Variants in DNHD1 observed in about 807,000 individuals in gnomAD.
The protein encoded by DNHD1 is dynein heavy chain domain-containing protein 1.
A neutral mutation model predicts 458.1 loss-of-function variants in DNHD1; 383 were observed. The ratio of observed to expected loss-of-function variants is 0.84; its 90% CI spans 0.77 to 0.91. The LOEUF (loss-of-function observed/expected upper bound fraction) is 0.91. DNHD1 is among the 40% of genes least tolerant of loss of function. DNHD1 has a pLI of 0.00. For synonymous variants in DNHD1, 2,203 were observed against 2,376.9 expected, an observed-to-expected ratio of 0.93 and a Z score of 2.13; for missense variants, 5,336 against 5,866.1, an observed-to-expected ratio of 0.91 and a Z score of 2.95.
intron 10 of DNHD1, among the ~76,000 whole-genome samples, chr11:6,522,656 AT>A (rs1289783924): frequency 1.3e-5 from 2 of 152,218 alleles, no homozygotes; most frequent in Non-Finnish European, 2.9e-5. Flanking sequence ...ATACAGGTAA[AT>A]AAGTAGCAGT....
intron 3 of DNHD1, among the ~76,000 whole-genome samples, chr11:6,500,871 A>C (rs901457585): frequency 6.6e-6 from 1 of 152,324 alleles, no homozygotes; most frequent in Non-Finnish European, 1.5e-5. Context: ...TAAGTTGATA[A>C]CAAGTAAAAT....
At position 6,498,190 on chromosome 11, in the gene DNHD1, G is replaced by T; in HGVS notation, c.-26G>T. 6.3e-7 allele frequency: 1 copy of T among 1,592,504 alleles called. No homozygotes were observed. Among genetic ancestry groups the T allele is most frequent in the South Asian group, 1.1e-5 (1 of 87,486 alleles). On this transcript the variant is annotated 5_prime_UTR_variant, in exon 3 of 43. Transcript: ENST00000254579. The stretch of plus-strand genomic sequence containing the variant: ...CCTGAGCTATGGGCAAGGTCACTTC[G>T]ACAGCAGTTGAATGCCCAGCTCCTC...
intron 10 of DNHD1, among the ~76,000 whole-genome samples, chr11:6,527,392 C>G (rs1013792316): frequency 6.6e-6 from 1 of 152,106 alleles, no homozygotes; most frequent in South Asian, 2.1e-4. Flanking sequence ...TTTAAAGTAA[C>G]GACAACAGGA....
Position 6,505,640 on chromosome 11 carries a change from G to A in DNHD1, c.920+2714G>A, listed in dbSNP as rs575412331. Among the ~76,000 whole-genome samples the A allele has an allele frequency of 1.3e-5, 2 of 152,278 alleles. No individual in the cohort carries two copies. The highest frequency in any genetic ancestry group is 3.9e-4 in the East Asian group (2 of 5,184). Reference sequence around the variant, plus strand: ...GTTTCTGTTTTACTGACTGGACCCTGACTAACACGGTACTTGGTATTATGA... The same window carrying A: ...GTTTCTGTTTTACTGACTGGACCCTAACTAACACGGTACTTGGTATTATGA... On this transcript the variant is annotated intron_variant, in intron 4 of 42. Coordinates refer to ENST00000254579, the MANE Select transcript of DNHD1 (RefSeq NM_144666.3). The surrounding 1 kb of genome is among the most constrained non-coding windows in gnomAD (Gnocchi z 4.4).
In DNHD1 at chr11:6,570,664, C is replaced by T. The variant is rs1188254299; in HGVS notation, c.13152C>T (p.His4384=). The T allele has an allele frequency of 1.2e-6, 2 of 1,612,062 alleles. No individual in the cohort carries two copies. The highest frequency in any genetic ancestry group is 4.5e-5 in the East Asian group (2 of 44,814). ...DAMAECKAQM[H]LLPSPPEPRL... is the part of the protein sequence containing the mutation. ...TGGCAGAGTGCAAGGCCCAGATGCA[C>T]CTACTGCCCTCACCACCTGAACCCC... Residue 4384 remains histidine, a synonymous_variant, in exon 42 of 43, where the codon CAC becomes CAT. Transcript: ENST00000254579.
At chr11:6,514,020 G>A (rs567906389) in intron 7 of DNHD1, among the ~76,000 whole-genome samples, 2 of 151,596 alleles carry the variant, frequency 1.3e-5, no homozygotes, top group African/African-American at 4.8e-5. Flanking sequence ...ATTTTTTTTT[G>A]TATTTTTAGT....
Position 6,544,035 on chromosome 11 carries a change from C to T in DNHD1, c.3629-86C>T, listed in dbSNP as rs1589884150. 3.7e-5 allele frequency: 51 copies of T among 1,371,202 alleles called. No individual in the cohort carries two copies. The South Asian group carries it at 6.3e-4, about 17-fold the overall frequency. The allele number at this position is 1,371,202 out of a possible 1,614,324, so 84.9% of individuals were successfully genotyped here. ...ATCAGGGTCTCTGTAACTGCCTCTCCTGGAAGGTTCCCCTGGTCTCCTCTT... is the reference window on the plus strand; with the variant it reads ...ATCAGGGTCTCTGTAACTGCCTCTCTTGGAAGGTTCCCCTGGTCTCCTCTT... On this transcript the variant is annotated intron_variant, in intron 18 of 42. Transcript: ENST00000254579.
chr11:6,498,636 T>C lies in DNHD1; in HGVS notation c.421T>C (p.Leu141=), dbSNP rs753831079. Residue 141 remains leucine, a synonymous_variant, in exon 3 of 43, where the codon TTA becomes CTA. Coordinates refer to ENST00000254579, the MANE Select transcript of DNHD1 (RefSeq NM_144666.3). ...VQAFPPDSSL[L]DSASHADCCP... ...GGCCTTTCCTCCAGACAGCTCTTTG[T>C]TAGACAGTGCTTCCCATGCTGACTG... The C allele has an allele frequency of 7.4e-6, 12 of 1,614,102 alleles. No individual in the cohort carries two copies. The highest frequency in any genetic ancestry group is 1.7e-6 in the Non-Finnish European group (2 of 1,180,042).
At chr11:6,570,147 C>T (rs1853808009) in intron 40 of DNHD1, 47 bp downstream of exon 40, 1 of 1,612,530 alleles carries the variant, frequency 6.2e-7, no homozygotes, top group Non-Finnish European at 8.5e-7. Flanking sequence ...CCCAGGAGAG[C>T]CTGGAAGAGG....
chr11:6,566,778 T>G lies in DNHD1; in HGVS notation c.11385+13T>G. On this transcript the variant is annotated intron_variant, in intron 35 of 42. Coordinates refer to ENST00000254579, the MANE Select transcript of DNHD1 (RefSeq NM_144666.3). ...GGAGGCTGCTGAGGTGCTTGGGGGCTCAGTCTGTGGGTTGAGATGAGCATT... is the reference window on the plus strand; with the variant it reads ...GGAGGCTGCTGAGGTGCTTGGGGGCGCAGTCTGTGGGTTGAGATGAGCATT... 2 of 1,607,048 alleles carry G rather than the reference T, an allele frequency of 1.2e-6. No individual in the cohort carries two copies. Among genetic ancestry groups the G allele is most frequent in the Non-Finnish European group, 1.7e-6 (2 of 1,176,646 alleles).
intron 14 of DNHD1, among the ~76,000 whole-genome samples, chr11:6,534,413 C>T (rs1166730324): frequency 6.6e-6 from 1 of 151,204 alleles, no homozygotes; most frequent in African/African-American, 2.4e-5. Context: ...GGAAGGCAAA[C>T]AAGTGAATGT....
At position 6,528,971 on chromosome 11, in the gene DNHD1, G is replaced by A. The variant is rs2134406801; in HGVS notation, c.2197G>A (p.Glu733Lys). Reference sequence around the variant, plus strand: ...GCAATCCTGGGGGCCTCAGAAGCTGGAAGACATGAGAGGTGGTCCCATCAA... The same window carrying A: ...GCAATCCTGGGGGCCTCAGAAGCTGAAAGACATGAGAGGTGGTCCCATCAA... ...FLQSWGPQKLEDMRGGPIKNY... is the reference protein window; with the variant it reads ...FLQSWGPQKLKDMRGGPIKNY... Residue 733 changes from glutamate to lysine, a missense_variant, in exon 12 of 43, where the codon GAA becomes AAA. Glu to Lys is a moderately conservative substitution (Grantham distance 56). Around this residue, in one of 4 missense-constraint regions of DNHD1, gnomAD observed 3,932 missense variants for 4,365.6 expected, o/e 0.90. Coordinates refer to ENST00000254579, the MANE Select transcript of DNHD1 (RefSeq NM_144666.3). 6.4e-7 allele frequency: 1 copy of A among 1,551,666 alleles called. No individual in the cohort carries two copies. Among genetic ancestry groups the A allele is most frequent in the Middle Eastern group, 1.7e-4 (1 of 5,940 alleles).
At chr11:6,501,363 G>A (rs1206498819) in intron 3 of DNHD1, among the ~76,000 whole-genome samples, 1 of 151,246 alleles carries the variant, frequency 6.6e-6, no homozygotes, top group Non-Finnish European at 1.5e-5. Flanking sequence ...TGAGAAGTAG[G>A]TGCTCAATAA....
chr11:6,520,992 A>G, intron 10 of DNHD1: 1 of 472,748 alleles, frequency 2.1e-6, no homozygotes, highest in Non-Finnish European at 2.8e-6. Context: ...CACTGAAAGG[A>G]ACCTGTGTCT....
At chr11:6,521,870 C>G (rs998797593) in intron 10 of DNHD1, among the ~76,000 whole-genome samples, 1 of 152,078 alleles carries the variant, frequency 6.6e-6, no homozygotes, top group Non-Finnish European at 1.5e-5. Flanking sequence ...GAACATACCA[C>G]CATGCCTGGC....
Position 6,497,882 on chromosome 11 carries a change from C to T in DNHD1, c.-334C>T, listed in dbSNP as rs1295679117. On this transcript the variant is annotated 5_prime_UTR_variant, in exon 3 of 43. Transcript: ENST00000254579. ...GGGTACTGGGAGGTAAGAAGGAACTCTTCTGCAAGGAGGGCTCTCACGTCT... is the reference window on the plus strand; with the variant it reads ...GGGTACTGGGAGGTAAGAAGGAACTTTTCTGCAAGGAGGGCTCTCACGTCT... The T allele has an allele frequency of 1.9e-5, 6 of 312,282 alleles. No individual in the cohort carries two copies. Among genetic ancestry groups the T allele is most frequent in the African/African-American group, 1.3e-4 (6 of 47,314 alleles). 19.3% of individuals were successfully genotyped at this position (312,282 alleles called of 1,614,324 possible).
chr11:6,519,008 A>G (rs564055594), intron 7 of DNHD1, among the ~76,000 whole-genome samples: 1 of 152,264 alleles, frequency 6.6e-6, no homozygotes, highest in East Asian at 1.9e-4. Context: ...CTCAACAGTA[A>G]AAGCCCAGAG....
At chr11:6,501,072 G>A (rs1852124246) in intron 3 of DNHD1, among the ~76,000 whole-genome samples, 1 of 152,116 alleles carries the variant, frequency 6.6e-6, no homozygotes, top group Non-Finnish European at 1.5e-5. Flanking sequence ...GCAGTCAGTA[G>A]TATTACATGT....
rs866261363 is a variant in DNHD1, at chr11:6,539,957, C to T, written c.3502C>T (p.Arg1168Cys). The T allele has an allele frequency of 7.1e-6, 11 of 1,551,624 alleles. No individual in the cohort carries two copies. Among genetic ancestry groups the T allele is most frequent in the East Asian group, 2.4e-5 (1 of 40,932 alleles). Reference protein sequence around the residue: ...LQRYWEARQLRLLNFILHVPY... With the variant: ...LQRYWEARQLCLLNFILHVPY... The stretch of plus-strand genomic sequence containing the variant: ...GCGGTACTGGGAAGCGCGCCAGCTG[C>T]GCCTGCTCAACTTCATCCTGCATGT... The change falls in exon 18 of 43, where the codon CGC (arginine) becomes TGC (cysteine). Residue 1168 changes from arginine to cysteine, a missense_variant. Arg to Cys is a radical substitution (Grantham distance 180, BLOSUM62 -3). Coordinates refer to ENST00000254579, the MANE Select transcript of DNHD1 (RefSeq NM_144666.3).
Sources: allele counts gnomAD v4.1 joint callset (sites outside exome capture counted in the v4.1 genomes callset), GRCh38; gene constraint gnomAD v4.1.1; regional missense constraint gnomAD v4.1.1; non-coding constraint Gnocchi (gnomAD v3.1); transcripts MANE v1.5; gene names NCBI Gene and HGNC (gene_info 2026-07-23, HGNC 2026-07-21).